The following NR1I2 variants were observed in gnomAD, a reference collection of about 807,000 sequenced individuals.
The protein encoded by NR1I2 is orphan nuclear receptor PAR1.
A neutral mutation model predicts 43.3 loss-of-function variants in NR1I2; 42 were observed. That is an observed-to-expected ratio of 0.97 (90% CI 0.76 to 1.26). The LOEUF is 1.26. Among genes scored for constraint, NR1I2 ranks in the 50% most tolerant of loss-of-function variants. NR1I2 has a pLI of 0.00. For missense variants in NR1I2, 559 were observed against 566.7 expected (o/e 0.99, Z 0.14); for synonymous variants, 229 against 215.0 (o/e 1.06, Z -0.57).
intron 1 of NR1I2, chr3:119,782,735 C>T (rs1479794643): frequency 1.2e-5 from 19 of 1,598,024 alleles, no homozygotes; most frequent in Non-Finnish European, 1.6e-5. Flanking sequence ...TGCTGGCAGC[C>T]CCCTGAGGCC....
At chr3:119,797,399 G>A (rs969693453) in intron 1 of NR1I2, among the ~76,000 whole-genome samples, 2 of 152,074 alleles carry the variant, frequency 1.3e-5, no homozygotes, top group East Asian at 1.9e-4. Flanking sequence ...CTTCCTCTGC[G>A]TCTACCATAC....
chr3:119,818,356 AT>A lies in NR1I2; in HGVS notation c.*1151del, dbSNP rs2055358320. ...TGTTTATAGCCACTTGTGAGTAAAA[AT>A]TTTTTTGCATTTTCACAAATTATAC... On this transcript the variant is annotated 3_prime_UTR_variant, in exon 9 of 9. Transcript: ENST00000393716. 1.0e-6 allele frequency: 1 copy of A among 985,330 alleles called. No individual in the cohort carries two copies. The allele number at this position is 985,330 out of a possible 1,614,324, so 61.0% of individuals were successfully genotyped here.
At chr3:119,790,322 G>A (rs2054901910) in intron 1 of NR1I2, among the ~76,000 whole-genome samples, 2 of 152,098 alleles carry the variant, frequency 1.3e-5, no homozygotes. Context: ...ATGAAATTTG[G>A]GTTGCTTCTA....
intron 1 of NR1I2, among the ~76,000 whole-genome samples, chr3:119,787,834 T>C (rs767149759): frequency 2.0e-5 from 3 of 152,066 alleles, no homozygotes; most frequent in Admixed American, 6.6e-5. Flanking sequence ...TATGTATGTA[T>C]ACACACACAC....
At chr3:119,783,094 A>G (rs764238678) in intron 1 of NR1I2, among the ~76,000 whole-genome samples, 2 of 151,800 alleles carry the variant, frequency 1.3e-5, no homozygotes, top group Non-Finnish European at 2.9e-5. Flanking sequence ...CCTCTCCCAC[A>G]TGGCCTCTAA....
At chr3:119,803,296 C>G (rs1228729015) in intron 1 of NR1I2, among the ~76,000 whole-genome samples, 1 of 151,668 alleles carries the variant, frequency 6.6e-6, no homozygotes, top group Non-Finnish European at 1.5e-5. Context: ...CCACTGAACT[C>G]CAGCCTGGGT....
chr3:119,787,409 A>G (rs1052668852), intron 1 of NR1I2, among the ~76,000 whole-genome samples: 2 of 152,114 alleles, frequency 1.3e-5, no homozygotes, highest in Non-Finnish European at 2.9e-5. Flanking sequence ...CCCTTATTCA[A>G]CTTGGGATAA....
At chr3:119,814,054 C>T (rs1376372006) in intron 5 of NR1I2, among the ~76,000 whole-genome samples, 2 of 152,136 alleles carry the variant, frequency 1.3e-5, no homozygotes, top group African/African-American at 4.8e-5. Context: ...CTAAGCTGGG[C>T]AATGGGGAGG....
chr3:119,789,739 C>T (rs1201256379), intron 1 of NR1I2, among the ~76,000 whole-genome samples: 1 of 152,170 alleles, frequency 6.6e-6, no homozygotes, highest in African/African-American at 2.4e-5. Context: ...CCCTGTCCTG[C>T]CTTCTCTCTG....
intron 1 of NR1I2, among the ~76,000 whole-genome samples, chr3:119,804,428 C>T (rs1387707983): frequency 6.8e-6 from 1 of 147,260 alleles, no homozygotes; most frequent in African/African-American, 2.5e-5. Flanking sequence ...CATTTAACTA[C>T]CAACATAGTT....
Position 119,817,279 on chromosome 3 carries a change from G to A in NR1I2, c.*67G>A, listed in dbSNP as rs1002732391. The stretch of plus-strand genomic sequence containing the variant: ...CAGAGCCCTCTGAGCCGCCACTCCC[G>A]GGCCAAGACAGATGGACACTGCCAA... On this transcript the variant is annotated 3_prime_UTR_variant, in exon 9 of 9. Transcript: ENST00000393716. 4.8e-5 allele frequency: 77 copies of A among 1,607,090 alleles called. No individual in the cohort carries two copies. In the Middle Eastern group the frequency reaches 4.9e-4, roughly 10 times the overall value.
At chr3:119,807,196 T>C in intron 1 of NR1I2, 33 bp from the exon 2 acceptor site, 1 of 1,586,788 alleles carries the variant, frequency 6.3e-7, no homozygotes, top group Non-Finnish European at 8.6e-7. Context: ...CCCTGTCCAG[T>C]CTTTTCATTC....
chr3:119,790,012 T>A (rs2054894970), intron 1 of NR1I2, among the ~76,000 whole-genome samples: 1 of 152,168 alleles, frequency 6.6e-6, no homozygotes, highest in Admixed American at 6.5e-5. Context: ...GAAGTATGTT[T>A]TCATCGTTGT....
intron 2 of NR1I2, 51 bp from the exon 3 acceptor site, chr3:119,810,010 G>A (rs779480727): frequency 1.2e-6 from 2 of 1,611,834 alleles, no homozygotes; most frequent in Non-Finnish European, 1.7e-6. Flanking sequence ...GCCCCAGGCC[G>A]AGGGCCCGGG....
At chr3:119,810,696 T>C (rs566947274) in intron 3 of NR1I2, 5 of 159,764 alleles carry the variant, frequency 3.1e-5, no homozygotes, top group African/African-American at 1.2e-4. Context: ...TTAACTTTGA[T>C]ATATTTGTGC....
At chr3:119,811,750 C>T (rs755076214) in intron 4 of NR1I2, 24 bp downstream of exon 4, 11 of 1,580,560 alleles carry the variant, frequency 7.0e-6, no homozygotes, top group Middle Eastern at 1.7e-4. Context: ...CACAGTGACC[C>T]GAGGTGTCAC....
chr3:119,802,286 C>T (rs974281361), intron 1 of NR1I2, among the ~76,000 whole-genome samples: 2 of 152,318 alleles, frequency 1.3e-5, no homozygotes, highest in South Asian at 4.1e-4. Flanking sequence ...GAATGAGATT[C>T]TAGCATTAAT....
chr3:119,801,949 C>T (rs2055087489), intron 1 of NR1I2, among the ~76,000 whole-genome samples: 1 of 152,186 alleles, frequency 6.6e-6, no homozygotes, highest in African/African-American at 2.4e-5. Context: ...GCAGGGTAGC[C>T]AGACTTTGTT....
At chr3:119,802,914 G>C (rs2055099831) in intron 1 of NR1I2, 1 of 456,574 alleles carries the variant, frequency 2.2e-6, no homozygotes, top group African/African-American at 2.0e-5. Flanking sequence ...GAATGTTTAT[G>C]TTTCCCCCAA....
Sources: gnomAD v4.1 joint callset for allele counts (sites outside exome capture counted in the v4.1 genomes callset) on GRCh38, gnomAD v4.1.1 for gene constraint, MANE v1.5 for transcripts, NCBI Gene and HGNC (gene_info 2026-07-23, HGNC 2026-07-21) for gene names.